Variants in BCL2 observed in about 807,000 individuals in gnomAD.
The protein encoded by BCL2 is apoptosis regulator Bcl-2.
Under a neutral mutation model 14.2 loss-of-function variants are expected in BCL2, and 1 was observed. The observed-to-expected ratio is 0.07, with a 90% CI of 0.02 to 0.33. The LOEUF (loss-of-function observed/expected upper bound fraction) is 0.33, where lower values mean the gene tolerates loss of function less well. Ranked by LOEUF, BCL2 falls within the 10% of genes least tolerant of loss-of-function variation. The probability of loss-of-function intolerance (pLI) is 0.99; values close to 1 mark genes in which losing one functional copy is unlikely to be tolerated. For synonymous variants in BCL2, 151 were observed against 137.2 expected (o/e 1.10, Z -0.70); for missense variants, 247 against 305.9 (o/e 0.81, Z 1.44).
At position 63,285,054 on chromosome 18, in the gene BCL2, G is replaced by C. The variant is rs892094165; in HGVS notation, c.585+33028C>G. On this transcript the variant is annotated intron_variant, in intron 2 of 2. Coordinates refer to ENST00000333681, the MANE Select transcript of BCL2 (RefSeq NM_000633.3). ...CAGGGAGCAGAGACCTCACAACCAG[G>C]CTCCCTACCTCGCTGTCCTTCAGGG... 5.9e-5 allele frequency among the ~76,000 whole-genome samples: 9 copies of C among 152,190 alleles called. No individual in the cohort carries two copies. In the East Asian group the frequency reaches 1.5e-3, roughly 26 times the overall value.
At position 63,179,866 on chromosome 18, in the gene BCL2, G is replaced by A. The variant is rs535213809; in HGVS notation, c.586-51107C>T. Among the ~76,000 whole-genome samples the A allele has an allele frequency of 2.6e-4, 40 of 152,340 alleles. No homozygotes were observed. The South Asian group carries it at 8.3e-3, about 32-fold the overall frequency. Reference sequence around the variant, plus strand: ...TGTTTAGAATGCAGCATAGCACACAGTAGCTCAACAGATGCTCGATTTCAT... The same window carrying A: ...TGTTTAGAATGCAGCATAGCACACAATAGCTCAACAGATGCTCGATTTCAT... On this transcript the variant is annotated intron_variant, in intron 2 of 2. Coordinates refer to ENST00000333681, the MANE Select transcript of BCL2 (RefSeq NM_000633.3).
chr18:63,194,297 G>C (rs866357679), intron 2 of BCL2, among the ~76,000 whole-genome samples: 1 of 151,936 alleles, frequency 6.6e-6, no homozygotes, highest in African/African-American at 2.4e-5. Context: ...AGAATTATTG[G>C]ATATGTTTTT....
rs1355643978 is a variant in BCL2 at position 63,293,445 on chromosome 18, C to T, written c.585+24637G>A. On this transcript the variant is annotated intron_variant, in intron 2 of 2. Transcript: ENST00000333681. ...CTATTTTCCTCCCAACCAAGTTAAG[C>T]AATCACCAACAGTTCTCTATGAGAT... Among the ~76,000 whole-genome samples the T allele has an allele frequency of 3.3e-5, 5 of 152,198 alleles. No individual in the cohort carries two copies. In the East Asian group the frequency reaches 9.6e-4, roughly 29 times the overall value.
At chr18:63,274,540 C>A (rs1261758692) in intron 2 of BCL2, among the ~76,000 whole-genome samples, 2 of 152,154 alleles carry the variant, frequency 1.3e-5, no homozygotes, top group African/African-American at 4.8e-5. Context: ...CCATCTTGGA[C>A]TCCCAAAGTG....
intron 2 of BCL2, among the ~76,000 whole-genome samples, chr18:63,256,018 GAGAA>G (rs1911466398): frequency 9.3e-6 from 1 of 107,926 alleles, no homozygotes; most frequent in Non-Finnish European, 2.2e-5. Context: ...TCCTTAAGGA[GAGAA>G]AGAATTTTAC....
intron 2 of BCL2, among the ~76,000 whole-genome samples, chr18:63,251,242 G>A (rs1911304843): frequency 6.6e-6 from 1 of 152,110 alleles, no homozygotes; most frequent in Admixed American, 6.5e-5. Context: ...GGTGGGTCAA[G>A]TGTGTCTTAT....
At chr18:63,228,918 G>A (rs375349180) in intron 2 of BCL2, among the ~76,000 whole-genome samples, 3 of 152,294 alleles carry the variant, frequency 2.0e-5, no homozygotes, top group Non-Finnish European at 2.9e-5. Context: ...CCATGTTGGC[G>A]AGGATGGTCT....
intron 2 of BCL2, among the ~76,000 whole-genome samples, chr18:63,155,177 G>A (rs1034748584): frequency 1.3e-5 from 2 of 152,160 alleles, no homozygotes; most frequent in Non-Finnish European, 2.9e-5. Context: ...GGTGGAGGTC[G>A]GCACAGGGCG....
chr18:63,215,416 T>C (rs1387707892), intron 2 of BCL2, among the ~76,000 whole-genome samples: 2 of 152,052 alleles, frequency 1.3e-5, no homozygotes, highest in Non-Finnish European at 2.9e-5. Context: ...TACGCAGTCA[T>C]GAAAAAACAA....
Position 63,127,369 on chromosome 18 carries a change from GC to G in BCL2, c.*1255del. 1 of 234,574 alleles carries G rather than the reference GC, an allele frequency of 4.3e-6. No homozygotes were observed. Among genetic ancestry groups the G allele is most frequent in the Non-Finnish European group, 8.4e-6 (1 of 118,834 alleles). The allele number at this position is 234,574 out of a possible 1,614,324, so 14.5% of individuals were successfully genotyped here. A position where few individuals can be genotyped will look rare whatever the true frequency, so the allele number is the denominator to read the frequency against. ...TCACCATGTCCTTCTGATAGGAAGGGCCCAGGGCCTCTGTTCCTTCCCTCTA... is the reference window on the plus strand; with the variant it reads ...TCACCATGTCCTTCTGATAGGAAGGGCCAGGGCCTCTGTTCCTTCCCTCTA... On this transcript the variant is annotated 3_prime_UTR_variant, in exon 3 of 3. Coordinates refer to ENST00000333681, the MANE Select transcript of BCL2 (RefSeq NM_000633.3).
rs35161404 is a variant in BCL2, at chr18:63,137,583, CTA to C, written c.586-8826_586-8825del. Among the ~76,000 whole-genome samples, 669 of 152,266 alleles carry C rather than the reference CTA, an allele frequency of 4.4e-3. 3 individuals are homozygous for C. The highest frequency in any genetic ancestry group is 0.016 in the African/African-American group (644 of 41,538). ...TTTTTTTTTCTTTCAGCAGCAGCCTCTAGTGTCCTCCTCCCAGGGACTGATGG... is the reference window on the plus strand; with the variant it reads ...TTTTTTTTTCTTTCAGCAGCAGCCTCGTGTCCTCCTCCCAGGGACTGATGG... On this transcript the variant is annotated intron_variant, in intron 2 of 2. Coordinates refer to ENST00000333681, the MANE Select transcript of BCL2 (RefSeq NM_000633.3).
chr18:63,248,408 C>A (rs1280103170), intron 2 of BCL2, among the ~76,000 whole-genome samples: 2 of 152,236 alleles, frequency 1.3e-5, no homozygotes, highest in Non-Finnish European at 2.9e-5. Flanking sequence ...AGTTTTTAGA[C>A]TTCTCGCCTT....
At chr18:63,193,643 C>CAT (rs1257401075) in intron 2 of BCL2, among the ~76,000 whole-genome samples, 18 of 150,158 alleles carry the variant, frequency 1.2e-4, no homozygotes, top group South Asian at 2.1e-4. Flanking sequence ...TACACACACA[C>CAT]ATATATATAC....
chr18:63,245,183 G>A (rs1292516927), intron 2 of BCL2, among the ~76,000 whole-genome samples: 1 of 152,162 alleles, frequency 6.6e-6, no homozygotes, highest in Non-Finnish European at 1.5e-5. Context: ...GCCAGAAAGA[G>A]TTTTCTTCTT....
At chr18:63,195,561 A>G (rs751505931) in intron 2 of BCL2, among the ~76,000 whole-genome samples, 47 of 152,348 alleles carry the variant, frequency 3.1e-4, no homozygotes, top group Non-Finnish European at 6.2e-4. Context: ...GGAAAATTAA[A>G]GACCTGGAGA....
At position 63,223,795 on chromosome 18, in the gene BCL2, G is replaced by A. The variant is rs573995290; in HGVS notation, c.585+94287C>T. Reference sequence around the variant, plus strand: ...CAGAAACATTTTATTCTACAGTGATGCTCAGAGTTGACAAGTCCCTCACGC... The same window carrying A: ...CAGAAACATTTTATTCTACAGTGATACTCAGAGTTGACAAGTCCCTCACGC... On this transcript the variant is annotated intron_variant, in intron 2 of 2. Coordinates refer to ENST00000333681, the MANE Select transcript of BCL2 (RefSeq NM_000633.3). Among the ~76,000 whole-genome samples the A allele has an allele frequency of 3.9e-5, 6 of 152,328 alleles. No homozygotes were observed. The South Asian group carries it at 1.2e-3, about 32-fold the overall frequency.
intron 2 of BCL2, among the ~76,000 whole-genome samples, chr18:63,212,297 C>T (rs1910045275): frequency 6.6e-6 from 1 of 151,650 alleles, no homozygotes; most frequent in African/African-American, 2.4e-5. Flanking sequence ...CACTGCACTC[C>T]AGCCTGGGCG....
rs182207288 is a variant in BCL2, at chr18:63,270,636, T to C, written c.585+47446A>G. 4.1e-4 allele frequency among the ~76,000 whole-genome samples: 63 copies of C among 152,248 alleles called. No homozygotes were observed. In the East Asian group the frequency reaches 0.012, roughly 29 times the overall value. On this transcript the variant is annotated intron_variant, in intron 2 of 2. Coordinates refer to ENST00000333681, the MANE Select transcript of BCL2 (RefSeq NM_000633.3). ...CGGAAAGGAAACCCTTTTCCCAGAA[T>C]AGAAGTCTGGGGACAATAGGAGGAG...
At chr18:63,188,150 A>C (rs1325444147) in intron 2 of BCL2, among the ~76,000 whole-genome samples, 1 of 152,206 alleles carries the variant, frequency 6.6e-6, no homozygotes, top group Non-Finnish European at 1.5e-5. Context: ...CATGTTTTCT[A>C]TCTCTTTTTA....
Sources: gnomAD v4.1 joint callset for allele counts (sites outside exome capture counted in the v4.1 genomes callset) on GRCh38, gnomAD v4.1.1 for gene constraint, MANE v1.5 for transcripts, NCBI Gene and HGNC (gene_info 2026-07-23, HGNC 2026-07-21) for gene names.